The following JAM2 variants were observed in gnomAD, a reference collection of about 807,000 sequenced individuals.
JAM2 encodes junctional adhesion molecule B.
JAM2 carries 17 observed loss-of-function variants against 42.0 expected under a neutral mutation model. The ratio of observed to expected loss-of-function variants is 0.40; its 90% confidence interval spans 0.28 to 0.61. The LOEUF (loss-of-function observed/expected upper bound fraction) is 0.61. Among genes scored for constraint, JAM2 ranks in the 20% least tolerant of loss-of-function variants. The pLI is 0.37. For synonymous variants in JAM2, 118 were observed against 128.6 expected (o/e 0.92, Z 0.56); for missense variants, 319 against 358.3 (o/e 0.89, Z 0.89).
At chr21:25,646,118 G>A (rs1394696720) in intron 1 of JAM2, among the ~76,000 whole-genome samples, 4 of 152,110 alleles carry the variant, frequency 2.6e-5, no homozygotes, top group African/African-American at 4.8e-5. Context: ...ACAGCAGTAC[G>A]GGCGTTATAG....
At chr21:25,645,505 G>A (rs1376058774) in intron 1 of JAM2, among the ~76,000 whole-genome samples, 2 of 152,150 alleles carry the variant, frequency 1.3e-5, no homozygotes, top group African/African-American at 2.4e-5. Flanking sequence ...TTGGGGTGGG[G>A]GGAGTCAAAC....
intron 1 of JAM2, among the ~76,000 whole-genome samples, chr21:25,682,502 A>G (rs535641059): frequency 1.3e-5 from 2 of 152,332 alleles, no homozygotes; most frequent in South Asian, 4.1e-4. Context: ...TTCTGTAGCC[A>G]CCGCTGCTTG....
chr21:25,686,575 CAGA>C (rs1186823853), intron 2 of JAM2, among the ~76,000 whole-genome samples: 2 of 152,196 alleles, frequency 1.3e-5, no homozygotes, highest in African/African-American at 4.8e-5. Context: ...GTGCCAAGAG[CAGA>C]AGGAGACTGA....
intron 1 of JAM2, among the ~76,000 whole-genome samples, chr21:25,645,957 C>T (rs998764678): frequency 6.6e-6 from 1 of 152,156 alleles, no homozygotes; most frequent in Admixed American, 6.5e-5. Context: ...ATGAGTGGAG[C>T]TTGCAGGACT....
intron 1 of JAM2, among the ~76,000 whole-genome samples, chr21:25,683,016 T>C (rs373307508): frequency 2.0e-5 from 3 of 152,022 alleles, no homozygotes; most frequent in Non-Finnish European, 4.4e-5. Context: ...GGGGTTTATA[T>C]AGGTACAGGA....
rs567135638 is a variant in JAM2, at chr21:25,679,845, C to T, written c.68-4038C>T. 7.8e-4 allele frequency among the ~76,000 whole-genome samples: 119 copies of T among 152,292 alleles called. 1 individual carries two copies. The highest frequency in any genetic ancestry group is 2.7e-3 in the African/African-American group (112 of 41,548). ...GCAATCCTTGCTAGTGTTCAGCTTG[C>T]GGGGATCACGGTGTGGGCCTAGTAT... On this transcript the variant is annotated intron_variant, in intron 1 of 9. Coordinates refer to ENST00000480456, the MANE Select transcript of JAM2 (RefSeq NM_021219.4).
intron 4 of JAM2, among the ~76,000 whole-genome samples, chr21:25,695,611 C>A (rs951830483): frequency 7.6e-5 from 11 of 144,664 alleles, no homozygotes; most frequent in East Asian, 4.2e-4. Context: ...GGCGCCCCCC[C>A]ACCTCCCTCC....
intron 1 of JAM2, among the ~76,000 whole-genome samples, chr21:25,660,952 G>A (rs1031784662): frequency 4.0e-5 from 6 of 149,988 alleles, no homozygotes; most frequent in Non-Finnish European, 5.9e-5. Flanking sequence ...TTGCCACCAC[G>A]CCCAGCTAAT....
At chr21:25,661,129 GT>G (rs1387320462) in intron 1 of JAM2, among the ~76,000 whole-genome samples, 19 of 152,144 alleles carry the variant, frequency 1.2e-4, no homozygotes, top group African/African-American at 4.6e-4. Flanking sequence ...ATTTGGAATG[GT>G]TTCTGATTTT....
intron 3 of JAM2, among the ~76,000 whole-genome samples, chr21:25,693,258 G>T (rs2033921266): frequency 6.9e-6 from 1 of 145,354 alleles, no homozygotes. Flanking sequence ...ATGCTTTTTT[G>T]AATTTTTTTT....
rs373806107 is a variant in JAM2 at position 25,714,610 on chromosome 21, T to C, written c.865-30T>C. ...GTTTCTTTAAATATGAATTCATATA[T>C]TTAAACCTGTTTTTTCTTTCTTTTC... On this transcript the variant is annotated intron_variant, in intron 9 of 9. Coordinates refer to ENST00000480456, the MANE Select transcript of JAM2 (RefSeq NM_021219.4). 3.9e-5 allele frequency: 51 copies of C among 1,298,682 alleles called. No homozygotes were observed. The African/African-American group carries it at 7.2e-4, about 18-fold the overall frequency. The allele number at this position is 1,298,682 out of a possible 1,614,324, so 80.4% of individuals were successfully genotyped here. A position where few individuals can be genotyped will look rare whatever the true frequency, so the allele number is the denominator to read the frequency against.
intron 6 of JAM2, among the ~76,000 whole-genome samples, chr21:25,703,883 A>C (rs890374907): frequency 2.0e-5 from 3 of 152,096 alleles, no homozygotes; most frequent in African/African-American, 7.2e-5. Flanking sequence ...ACAGGATGTA[A>C]GAAGTTAACT....
intron 1 of JAM2, among the ~76,000 whole-genome samples, chr21:25,666,104 T>C (rs1473142144): frequency 6.6e-6 from 1 of 152,082 alleles, no homozygotes; most frequent in Non-Finnish European, 1.5e-5. Context: ...ACATCCAGAA[T>C]GTTTGACCAC....
At chr21:25,664,385 G>A (rs563477944) in intron 1 of JAM2, among the ~76,000 whole-genome samples, 116 of 152,180 alleles carry the variant, frequency 7.6e-4, no homozygotes, top group African/African-American at 2.6e-3. Context: ...ATAGGCGCAC[G>A]CCATCATGCC....
intron 1 of JAM2, among the ~76,000 whole-genome samples, chr21:25,655,350 A>AT (rs751257378): frequency 0.11 from 10,821 of 100,192 alleles, 738 homozygotes; most frequent in East Asian, 0.32. Flanking sequence ...CTGAAATTCT[A>AT]TTTTTTTTTT....
intron 1 of JAM2, among the ~76,000 whole-genome samples, chr21:25,658,248 T>C (rs1169163610): frequency 6.6e-6 from 1 of 151,832 alleles, no homozygotes; most frequent in Admixed American, 6.6e-5. Flanking sequence ...ATCAAAGAAA[T>C]CAAAACAGTA....
intron 5 of JAM2, among the ~76,000 whole-genome samples, chr21:25,701,748 C>A (rs1277350610): frequency 6.6e-6 from 1 of 152,174 alleles, no homozygotes; most frequent in African/African-American, 2.4e-5. Context: ...TTGGCTGCTG[C>A]AGTGAACTCG....
chr21:25,702,139 T>TA (rs745481294), intron 5 of JAM2, 31 bp from the exon 6 acceptor site: 7 of 1,256,878 alleles, frequency 5.6e-6, no homozygotes, highest in African/African-American at 2.9e-5. Flanking sequence ...ATCTATGGCT[T>TA]AAAAAAATAT....
intron 1 of JAM2, among the ~76,000 whole-genome samples, chr21:25,642,284 A>C (rs1005886804): frequency 6.6e-6 from 1 of 152,116 alleles, no homozygotes; most frequent in South Asian, 2.1e-4. Context: ...GCTCTTCTGC[A>C]TGGGAGATGG....
Sources: allele counts gnomAD v4.1 joint callset (sites outside exome capture counted in the v4.1 genomes callset), GRCh38; gene constraint gnomAD v4.1.1; transcripts MANE v1.5; gene names NCBI Gene and HGNC (gene_info 2026-07-23, HGNC 2026-07-21).